Variants in ROBO1 observed in about 807,000 individuals in gnomAD.
The protein encoded by ROBO1 is roundabout homolog 1.
Under a neutral mutation model 195.9 loss-of-function variants are expected in ROBO1, and 149 were observed. That is an observed-to-expected ratio of 0.76 (90% CI 0.67 to 0.87). The LOEUF (loss-of-function observed/expected upper bound fraction) is 0.87. Ranked by LOEUF, ROBO1 falls within the 40% of genes least tolerant of loss-of-function variation. The pLI is 0.00. For synonymous variants in ROBO1, 816 were observed against 733.2 expected, an observed-to-expected ratio of 1.11 and a Z score of -1.82; for missense variants, 1,933 against 2,068.3, an observed-to-expected ratio of 0.93 and a Z score of 1.27.
At chr3:79,389,282 A>C (rs2106690763) in intron 2 of ROBO1, among the ~76,000 whole-genome samples, 1 of 152,218 alleles carries the variant, frequency 6.6e-6, no homozygotes, top group South Asian at 2.1e-4. Flanking sequence ...TGAGCAAAGA[A>C]TTCTGACTGT....
intron 4 of ROBO1, among the ~76,000 whole-genome samples, chr3:78,913,655 G>A (rs1425619068): frequency 6.6e-6 from 1 of 151,864 alleles, no homozygotes; most frequent in Non-Finnish European, 1.5e-5. Flanking sequence ...ATTGTCTTAC[G>A]GTGTTACGTG....
intron 4 of ROBO1, among the ~76,000 whole-genome samples, chr3:78,825,218 T>C (rs934453387): frequency 1.6e-4 from 25 of 152,142 alleles, no homozygotes; most frequent in African/African-American, 5.6e-4. Flanking sequence ...CTTGAAAAAG[T>C]TACCCCGATA....
At chr3:78,700,368 GAATTGGTTT>G (rs2081392312) in intron 8 of ROBO1, among the ~76,000 whole-genome samples, 1 of 152,162 alleles carries the variant, frequency 6.6e-6, no homozygotes, top group African/African-American at 2.4e-5. Context: ...AAGTGCTCAA[GAATTGGTTT>G]ATCTGAAAAA....
At chr3:79,514,735 A>G (rs564174952) in intron 2 of ROBO1, among the ~76,000 whole-genome samples, 42 of 152,330 alleles carry the variant, frequency 2.8e-4, no homozygotes, top group African/African-American at 8.9e-4. Context: ...AATGTTTTCC[A>G]TAAAATTGTA....
chr3:79,339,889 G>A (rs142803056), intron 2 of ROBO1, among the ~76,000 whole-genome samples: 16 of 152,234 alleles, frequency 1.1e-4, no homozygotes, highest in Non-Finnish European at 1.9e-4. Context: ...TGCCTTTACC[G>A]CTCCAGTTTC....
At chr3:78,847,297 T>C (rs1263190841) in intron 4 of ROBO1, among the ~76,000 whole-genome samples, 1 of 152,122 alleles carries the variant, frequency 6.6e-6, no homozygotes, top group Non-Finnish European at 1.5e-5. Context: ...TAATAGAAAA[T>C]GGAAGTTTGG....
chr3:79,167,990 C>T (rs1040617469), intron 2 of ROBO1, among the ~76,000 whole-genome samples: 1 of 152,160 alleles, frequency 6.6e-6, no homozygotes, highest in Non-Finnish European at 1.5e-5. Flanking sequence ...TAGCTATCAT[C>T]ATCATCAGTA....
In ROBO1 at chr3:79,567,007, T is replaced by C. The variant is rs529843053; in HGVS notation, c.88+22817A>G. On this transcript the variant is annotated intron_variant, in intron 2 of 30. Coordinates refer to ENST00000464233, the MANE Select transcript of ROBO1 (RefSeq NM_002941.4). ...AGCAAAGACATGGAATCAACCTAAA[T>C]GCCCATCAATGATATACTGGACAAA... 3.3e-5 allele frequency among the ~76,000 whole-genome samples: 5 copies of C among 152,252 alleles called. No individual in the cohort carries two copies. In the East Asian group the frequency reaches 9.7e-4, roughly 29 times the overall value.
intron 10 of ROBO1, among the ~76,000 whole-genome samples, chr3:78,680,304 AT>A (rs1315739887): frequency 6.6e-6 from 1 of 152,206 alleles, no homozygotes; most frequent in Non-Finnish European, 1.5e-5. Flanking sequence ...ACCAAAAGCA[AT>A]GGCAACAAAA....
At chr3:79,691,841 C>T (rs550946675) in intron 1 of ROBO1, among the ~76,000 whole-genome samples, 11 of 151,928 alleles carry the variant, frequency 7.2e-5, no homozygotes, top group East Asian at 5.8e-4. Flanking sequence ...TTACTTTCTA[C>T]GAACCTGGTG....
chr3:78,893,628 T>C (rs2037047015), intron 4 of ROBO1, among the ~76,000 whole-genome samples: 1 of 152,182 alleles, frequency 6.6e-6, no homozygotes, highest in Non-Finnish European at 1.5e-5. Flanking sequence ...ATATAAAAAT[T>C]AATCACTATA....
At chr3:79,031,493 C>A (rs937486553) in intron 3 of ROBO1, among the ~76,000 whole-genome samples, 1 of 152,138 alleles carries the variant, frequency 6.6e-6, no homozygotes, top group South Asian at 2.1e-4. Context: ...AATAACGAAG[C>A]ACAATGTTCA....
intron 2 of ROBO1, among the ~76,000 whole-genome samples, chr3:79,340,080 G>A (rs574947672): frequency 5.9e-5 from 9 of 152,218 alleles, no homozygotes; most frequent in African/African-American, 9.6e-5. Flanking sequence ...TGCTGGCCTC[G>A]CCTAGAGTTG....
intron 4 of ROBO1, among the ~76,000 whole-genome samples, chr3:78,823,027 C>T (rs1559893006): frequency 6.6e-6 from 1 of 152,128 alleles, no homozygotes; most frequent in African/African-American, 2.4e-5. Context: ...GAGTTCTGTA[C>T]TTCATTGCTT....
chr3:79,658,025 T>C (rs1013278406), intron 1 of ROBO1, among the ~76,000 whole-genome samples: 11 of 152,042 alleles, frequency 7.2e-5, no homozygotes, highest in African/African-American at 2.4e-4. Context: ...AATGACAGTA[T>C]AGACAAGCAA....
chr3:79,002,428 T>C (rs1051984996), intron 3 of ROBO1, among the ~76,000 whole-genome samples: 3 of 152,148 alleles, frequency 2.0e-5, no homozygotes, highest in African/African-American at 7.2e-5. Flanking sequence ...TAAAATTAAA[T>C]AATACCTATA....
intron 4 of ROBO1, among the ~76,000 whole-genome samples, chr3:78,846,642 A>G (rs2033688928): frequency 6.6e-6 from 1 of 152,154 alleles, no homozygotes; most frequent in Non-Finnish European, 1.5e-5. Context: ...TGAGGATACC[A>G]ACACAAGATT....
At position 78,869,052 on chromosome 3, in the gene ROBO1, A is replaced by C. The variant is rs147622452; in HGVS notation, c.499+69549T>G. On this transcript the variant is annotated intron_variant, in intron 4 of 30. Transcript: ENST00000464233. ...TTCTGCTTTAGAGTAAGAATAAAAA[A>C]ATTAAATAAAATTTTAACTTGGGAC... is the stretch of plus-strand genomic sequence containing the variant. Among the ~76,000 whole-genome samples, 621 of 152,316 alleles carry C rather than the reference A, an allele frequency of 4.1e-3. 15 individuals are homozygous for C. Among genetic ancestry groups the C allele is most frequent in the African/African-American group, 0.013 (537 of 41,586 alleles).
chr3:79,282,439 A>C (rs1288439330), intron 2 of ROBO1, among the ~76,000 whole-genome samples: 1 of 152,226 alleles, frequency 6.6e-6, no homozygotes, highest in Non-Finnish European at 1.5e-5. Context: ...GATGGGAAAC[A>C]ATGAGAACAA....
Sources: gnomAD v4.1 joint callset for allele counts (sites outside exome capture counted in the v4.1 genomes callset) on GRCh38, gnomAD v4.1.1 for gene constraint, MANE v1.5 for transcripts, NCBI Gene and HGNC (gene_info 2026-07-23, HGNC 2026-07-21) for gene names.